Variants in NBEAL1 observed in about 807,000 individuals in gnomAD.
NBEAL1 encodes neurobeachin like 1, also known as neurobeachin-like protein 1.
In NBEAL1, 273 loss-of-function variants were observed where a neutral mutation model predicts 351.3. The ratio of observed to expected loss-of-function variants is 0.78; its 90% CI spans 0.70 to 0.86. The LOEUF is 0.86. Ranked by LOEUF, NBEAL1 falls within the 40% of genes least tolerant of loss-of-function variation. NBEAL1 has a pLI of 0.00. For synonymous variants in NBEAL1, 1,050 were observed against 1,086.4 expected, an observed-to-expected ratio of 0.97 and a Z score of 0.66; for missense variants, 2,961 against 3,201.3, an observed-to-expected ratio of 0.92 and a Z score of 1.81.
chr2:203,181,646 A>G (rs2064720399), intron 43 of NBEAL1: 1 of 152,102 alleles, frequency 6.6e-6, no homozygotes, highest in Non-Finnish European at 1.5e-5. Context: ...CTAACATGTA[A>G]TGTTAGTGTT....
chr2:203,168,139 T>C (rs1222583596), intron 38 of NBEAL1, among the ~76,000 whole-genome samples: 3 of 152,218 alleles, frequency 2.0e-5, no homozygotes, highest in Admixed American at 2.0e-4. Context: ...TTTTCCTTCA[T>C]AGGAAAATAC....
rs556898768 is a variant in NBEAL1, at chr2:203,193,129, G to A, written c.6922-666G>A. Among the ~76,000 whole-genome samples the A allele has an allele frequency of 3.3e-5, 5 of 151,648 alleles. No homozygotes were observed. The East Asian group carries it at 5.8e-4, about 18-fold the overall frequency. ...TGGGACTATAGGTGCACACCACTAC[G>A]CCTGACCAATTTTTGTATTTTTAGT... On this transcript the variant is annotated intron_variant, in intron 46 of 55. Transcript: ENST00000683969.
chr2:203,183,517 AAAGTAC>A, intron 44 of NBEAL1, 129 bp downstream of exon 44: 1 of 554,388 alleles, frequency 1.8e-6, no homozygotes, highest in Non-Finnish European at 3.2e-6. Flanking sequence ...CTGACTTTAG[AAAGTAC>A]AATATAGCAA....
intron 42 of NBEAL1, among the ~76,000 whole-genome samples, chr2:203,179,831 T>A (rs1575092382): frequency 6.6e-6 from 1 of 151,996 alleles, no homozygotes; most frequent in Admixed American, 6.6e-5. Context: ...CAGGCTGGAG[T>A]GCAGTGGCAC....
intron 8 of NBEAL1, among the ~76,000 whole-genome samples, chr2:203,081,189 C>G (rs576327601): frequency 6.6e-6 from 1 of 152,252 alleles, no homozygotes; most frequent in East Asian, 1.9e-4. Flanking sequence ...AAAGAATGGT[C>G]ATGTCATAAA....
chr2:203,208,796 A>G (rs968258641), intron 52 of NBEAL1, 43 bp downstream of exon 52: 1 of 1,411,024 alleles, frequency 7.1e-7, no homozygotes, highest in Non-Finnish European at 9.7e-7. Flanking sequence ...TTTGTCTACA[A>G]ATTTATTACC....
At chr2:203,134,384 A>G (rs2063150027) in intron 27 of NBEAL1, among the ~76,000 whole-genome samples, 1 of 152,188 alleles carries the variant, frequency 6.6e-6, no homozygotes, top group South Asian at 2.1e-4. Context: ...AAAAATTGTT[A>G]TTCTGCACCT....
intron 31 of NBEAL1, among the ~76,000 whole-genome samples, chr2:203,140,617 G>A (rs909110417): frequency 1.4e-4 from 21 of 152,132 alleles, no homozygotes; most frequent in African/African-American, 5.1e-4. Flanking sequence ...TACACAGATG[G>A]TGGAATTTTG....
At position 203,144,789 on chromosome 2, in the gene NBEAL1, C is replaced by T. The variant is rs1280954275; in HGVS notation, c.5038C>T (p.Leu1680Phe). 1 of 1,614,134 alleles carries T rather than the reference C, an allele frequency of 6.2e-7. No homozygotes were observed. Among genetic ancestry groups the T allele is most frequent in the South Asian group, 1.1e-5 (1 of 91,086 alleles). ...RTLVSKIYELLFMNLHLPSLP... is the reference protein window; with the variant it reads ...RTLVSKIYELFFMNLHLPSLP... ...CCTGGTTTCCAAAATTTATGAGCTT[C>T]TCTTCATGAACTTGCACCTACCTTC... Residue 1680 changes from leucine to phenylalanine, a missense_variant, in exon 32 of 56, where the codon CTC becomes TTC. Transcript: ENST00000683969.
chr2:203,166,802 A>T (rs150328681), intron 37 of NBEAL1, among the ~76,000 whole-genome samples: 30 of 151,242 alleles, frequency 2.0e-4, no homozygotes, highest in Non-Finnish European at 3.4e-4. Context: ...TGATCTGCCC[A>T]CCTCAGCCTC....
chr2:203,217,764 T>C lies in NBEAL1; in HGVS notation c.*410T>C. On this transcript the variant is annotated 3_prime_UTR_variant, in exon 56 of 56. Transcript: ENST00000683969. ...TACTGACCACTGTAATGAAAATATATCAATTTATTTATGGAACTCCTGATT... is the reference window on the plus strand; with the variant it reads ...TACTGACCACTGTAATGAAAATATACCAATTTATTTATGGAACTCCTGATT... The C allele has an allele frequency of 4.1e-6, 4 of 976,518 alleles. No homozygotes were observed. Among genetic ancestry groups the C allele is most frequent in the Non-Finnish European group, 4.9e-6 (4 of 821,740 alleles). The allele number at this position is 976,518 out of a possible 1,614,324, so 60.5% of individuals were successfully genotyped here.
Position 203,056,440 on chromosome 2 carries a change from G to T in NBEAL1, c.319G>T (p.Val107Leu). The T allele has an allele frequency of 6.5e-7, 1 of 1,541,600 alleles. No individual in the cohort carries two copies. The highest frequency in any genetic ancestry group is 2.0e-5 in the Admixed American group (1 of 50,976). Residue 107 changes from valine to leucine, a missense_variant, in exon 5 of 56, where the codon GTG becomes TTG. Physicochemically the swap from Val to Leu is conservative, Grantham distance 32 (BLOSUM62 1). Coordinates refer to ENST00000683969, the MANE Select transcript of NBEAL1 (RefSeq NM_001378026.1). ...TTTTTCTCACAGAAATCTATCAAAT[G>T]TGGAAGAAATTGGGACTTGCTCGTA... ...FIILCRNLSN[V>L]EEIGTCSYIN...
intron 27 of NBEAL1, among the ~76,000 whole-genome samples, chr2:203,134,887 G>T (rs1001091296): frequency 2.0e-5 from 3 of 152,088 alleles, no homozygotes; most frequent in Non-Finnish European, 4.4e-5. Context: ...GAACAAAAAA[G>T]TTTTTGCAAA....
chr2:203,057,127 T>C (rs1166281366), intron 5 of NBEAL1, among the ~76,000 whole-genome samples, 199 bp from the exon 6 acceptor site: 1 of 152,190 alleles, frequency 6.6e-6, no homozygotes, highest in Non-Finnish European at 1.5e-5. Context: ...TGAAAACATA[T>C]TACTTTTTCA....
At chr2:203,085,111 T>C (rs1487651230) in intron 10 of NBEAL1, 2 of 153,380 alleles carry the variant, frequency 1.3e-5, no homozygotes, top group African/African-American at 2.4e-5. Flanking sequence ...AAATAGCTTT[T>C]TTTTTGAGAT....
chr2:203,147,703 GTACATT>G (rs2106344815), intron 33 of NBEAL1, among the ~76,000 whole-genome samples: 1 of 151,946 alleles, frequency 6.6e-6, no homozygotes, highest in African/African-American at 2.4e-5. Context: ...TTATATATTA[GTACATT>G]TAAATTTATT....
chr2:203,159,101 C>T (rs62182212), intron 36 of NBEAL1, among the ~76,000 whole-genome samples: 4 of 151,996 alleles, frequency 2.6e-5, no homozygotes, highest in Non-Finnish European at 2.9e-5. Context: ...TTACAGGCCA[C>T]CAGAGAGTGA....
chr2:203,172,111 TA>T (rs1454512432), intron 40 of NBEAL1, 88 bp downstream of exon 40: 2 of 575,012 alleles, frequency 3.5e-6, no homozygotes, highest in Non-Finnish European at 5.5e-6. Context: ...ATTTTTTATT[TA>T]AAAAATATAA....
At position 203,107,864 on chromosome 2, in the gene NBEAL1, C is replaced by T. The variant is rs1156914036; in HGVS notation, c.1625C>T (p.Ala542Val). ...LHQTCAENLI[A>V]IHGSLGSQSV... ...CAAACTTGTGCTGAGAACTTGATTGCAATCCATGGTTCCTTGGGGAGTCAG... is the reference window on the plus strand; with the variant it reads ...CAAACTTGTGCTGAGAACTTGATTGTAATCCATGGTTCCTTGGGGAGTCAG... Residue 542 changes from alanine to valine, a missense_variant, in exon 14 of 56, where the codon GCA (alanine) becomes GTA (valine). Ala to Val is a moderately conservative substitution (Grantham distance 64). Transcript: ENST00000683969. 3 of 1,554,372 alleles carry T rather than the reference C, an allele frequency of 1.9e-6. No individual in the cohort carries two copies. The highest frequency in any genetic ancestry group is 2.0e-5 in the Admixed American group (1 of 51,004).
Sources: gnomAD v4.1 joint callset for allele counts (sites outside exome capture counted in the v4.1 genomes callset) on GRCh38, gnomAD v4.1.1 for gene constraint, MANE v1.5 for transcripts, NCBI Gene and HGNC (gene_info 2026-07-23, HGNC 2026-07-21) for gene names.